The following COL6A1 variants were observed in gnomAD, a reference collection of about 807,000 sequenced individuals.
The protein encoded by COL6A1 is collagen type VI alpha 1 chain.
A neutral mutation model predicts 145.6 loss-of-function variants in COL6A1; 80 were observed. That is an observed-to-expected ratio of 0.55 (90% CI 0.46 to 0.66). The LOEUF is 0.66. COL6A1 is among the 30% of genes least tolerant of loss of function. The pLI, the probability that COL6A1 is intolerant of heterozygous loss-of-function variation, is 0.00. For missense variants in COL6A1, 1,364 were observed against 1,473.8 expected, an observed-to-expected ratio of 0.93 and a Z score of 1.22; for synonymous variants, 638 against 622.8, an observed-to-expected ratio of 1.02 and a Z score of -0.36.
intron 3 of COL6A1, among the ~76,000 whole-genome samples, chr21:45,985,566 G>A (rs2123464629): frequency 6.6e-6 from 1 of 152,342 alleles, no homozygotes; most frequent in South Asian, 2.1e-4. Context: ...TGGACTGAGG[G>A]GTTTCCTCTC....
In COL6A1 at chr21:45,997,713, C is replaced by T. The variant is rs117340427; in HGVS notation, c.1475C>T (p.Ala492Val). ...CTTCCTCCTCAGGGTGCCAGAGGAG[C>T]CCCAGGACCTGCCGGACCCCCTGGA... The part of the protein sequence containing the change: ...GPPGSEGARG[A>V]PGPAGPPGDP... Residue 492 changes from alanine (A) to valine (V), a missense_variant, in exon 22 of 35, where the codon GCC becomes GTC. By Grantham distance (64) the Ala-to-Val change is moderately conservative. Transcript: ENST00000361866. The T allele has an allele frequency of 3.5e-4, 563 of 1,592,966 alleles. 3 individuals carry two copies. In the East Asian group the frequency reaches 0.012, roughly 35 times the overall value.
chr21:45,984,658 A>T (rs1252497687), intron 3 of COL6A1, among the ~76,000 whole-genome samples, 189 bp downstream of exon 3: 6 of 152,192 alleles, frequency 3.9e-5, no homozygotes, highest in African/African-American at 9.6e-5. Flanking sequence ...AGAGAAACAG[A>T]AACAGGGAGA....
At position 45,982,645 on chromosome 21, in the gene COL6A1, G is replaced by A; in HGVS notation, c.109G>A (p.Asp37Asn). The A allele has an allele frequency of 1.2e-6, 2 of 1,612,844 alleles. No homozygotes were observed. The highest frequency in any genetic ancestry group is 2.2e-5 in the East Asian group (1 of 44,868). Reference sequence around the variant, plus strand: ...CCATCTTCGGCCAGACTGCCCCGTGGACCTGTTCTTTGTGCTGGACACCTC... The same window carrying A: ...CCATCTTCGGCCAGACTGCCCCGTGAACCTGTTCTTTGTGCTGGACACCTC... ...RAVAFQDCPV[D>N]LFFVLDTSES... The change falls in exon 2 of 35, where the codon GAC becomes AAC. Residue 37 changes from aspartate to asparagine, a missense_variant. This residue lies in a region of COL6A1 where 414 missense variants were observed against 437.6 expected (regional missense o/e 0.95). Transcript: ENST00000361866.
chr21:45,983,100 C>T (rs974380273), intron 2 of COL6A1, among the ~76,000 whole-genome samples: 1 of 152,238 alleles, frequency 6.6e-6, no homozygotes, highest in Non-Finnish European at 1.5e-5. Context: ...GAGGGCTCAG[C>T]GCACTGGCCC....
In COL6A1 at chr21:45,992,568, G is replaced by A. The variant is rs536835544; in HGVS notation, c.1272+170G>A. Reference sequence around the variant, plus strand: ...ATGCCTCTTCCCACAGTCTCAGAGCGGGTGGGACCTGGGGAACCAGGAGAT... The same window carrying A: ...ATGCCTCTTCCCACAGTCTCAGAGCAGGTGGGACCTGGGGAACCAGGAGAT... On this transcript the variant is annotated intron_variant, in intron 18 of 34. Coordinates refer to ENST00000361866, the MANE Select transcript of COL6A1 (RefSeq NM_001848.3). 9.2e-5 allele frequency among the ~76,000 whole-genome samples: 14 copies of A among 152,320 alleles called. No homozygotes were observed. The highest frequency in any genetic ancestry group is 2.1e-4 in the South Asian group (1 of 4,828).
Position 45,994,054 on chromosome 21 carries a change from G to A in COL6A1, c.1336-113G>A, listed in dbSNP as rs2077791348. 1 of 1,105,306 alleles carries A rather than the reference G, an allele frequency of 9.0e-7. No individual in the cohort carries two copies. Among genetic ancestry groups the A allele is most frequent in the African/African-American group, 1.6e-5 (1 of 64,376 alleles). 68.5% of individuals were successfully genotyped at this position (1,105,306 alleles called of 1,614,324 possible). A position where few individuals can be genotyped will look rare whatever the true frequency, so the allele number is the denominator to read the frequency against. ...GGAAGGGGCTGTGCGGGGAGGGAAG[G>A]CCGGAACAGCCCAGTGACCACCTGG... On this transcript the variant is annotated intron_variant, in intron 19 of 34. Transcript: ENST00000361866. This position sits in a 1 kb window ranked among gnomAD's most constrained non-coding sequence, Gnocchi z 6.8.
Position 46,002,728 on chromosome 21 carries a change from C to G in COL6A1, c.2434+18C>G, listed in dbSNP as rs376294266. On this transcript the variant is annotated intron_variant, in intron 33 of 34. Coordinates refer to ENST00000361866, the MANE Select transcript of COL6A1 (RefSeq NM_001848.3). ...CTGCATAGGTGCGCATGGGGCCACCCGGGCAGTCCCAGATCTGCGTAGGTG... is the reference window on the plus strand; with the variant it reads ...CTGCATAGGTGCGCATGGGGCCACCGGGGCAGTCCCAGATCTGCGTAGGTG... 3 of 1,561,540 alleles carry G rather than the reference C, an allele frequency of 1.9e-6. No homozygotes were observed.
chr21:45,999,957 T>TG (rs1569518911), intron 27 of COL6A1, among the ~76,000 whole-genome samples: 3 of 1,236 alleles, frequency 2.4e-3, no homozygotes, highest in African/African-American at 9.7e-3. Flanking sequence ...GTGAGGATCA[T>TG]GGGAGGACGT....
chr21:45,996,524 C>T (rs937492659), intron 20 of COL6A1, among the ~76,000 whole-genome samples: 4 of 152,254 alleles, frequency 2.6e-5, no homozygotes, highest in African/African-American at 9.6e-5. Context: ...ATTTGAACCA[C>T]CGGACAGGCC....
At chr21:45,986,000 C>T (rs904826539) in intron 3 of COL6A1, among the ~76,000 whole-genome samples, 2 of 152,224 alleles carry the variant, frequency 1.3e-5, no homozygotes, top group Non-Finnish European at 2.9e-5. Flanking sequence ...TGCTCAGCGT[C>T]CCCAGCAGGC....
At chr21:45,983,975 C>A (rs2077723122) in intron 2 of COL6A1, among the ~76,000 whole-genome samples, 1 of 152,210 alleles carries the variant, frequency 6.6e-6, no homozygotes, top group Non-Finnish European at 1.5e-5. Flanking sequence ...GCCTCCTTCC[C>A]CCACTGTCAT....
intron 20 of COL6A1, among the ~76,000 whole-genome samples, chr21:45,996,657 C>T (rs1281589946): frequency 1.3e-5 from 2 of 151,506 alleles, no homozygotes; most frequent in East Asian, 1.9e-4. Flanking sequence ...CCAGGTGGGC[C>T]GGGCGATGTG....
chr21:46,003,784 C>T lies in COL6A1; in HGVS notation c.2858C>T (p.Ala953Val). The change falls in exon 35 of 35, where the codon GCT becomes GTT. Residue 953 changes from alanine (A) to valine (V), a missense_variant. This residue lies in a region of COL6A1 where 938 missense variants were observed against 1,003.8 expected (regional missense o/e 0.93). Transcript: ENST00000361866. ...GGCAACTCGCAGGGCGCCACGCCCG[C>T]TGCCATCGAGAAGGCCGTGCAGGAA... ...SDGNSQGATP[A>V]AIEKAVQEAQ... 6.2e-7 allele frequency: 1 copy of T among 1,611,736 alleles called. No individual in the cohort carries two copies. The highest frequency in any genetic ancestry group is 1.1e-5 in the South Asian group (1 of 91,070).
At position 46,002,795 on chromosome 21, in the gene COL6A1, A is replaced by G. The variant is rs113707678; in HGVS notation, c.2434+85A>G. ...GGCAGTCCCAGATCTGCGTAGGTGC[A>G]CGCGGGGCCGCCCGGGCAGTCCCAG... On this transcript the variant is annotated intron_variant, in intron 33 of 34. Transcript: ENST00000361866. 3,457 of 1,351,764 alleles carry G rather than the reference A, an allele frequency of 2.6e-3. 48 individuals are homozygous for G. In the African/African-American group the frequency reaches 0.034, roughly 13 times the overall value. The allele number at this position is 1,351,764 out of a possible 1,614,324, so 83.7% of individuals were successfully genotyped here. A position where few individuals can be genotyped will look rare whatever the true frequency, so the allele number is the denominator to read the frequency against.
chr21:45,982,559 C>T (rs1213899886), intron 1 of COL6A1, 75 bp from the exon 2 acceptor site: 4 of 1,605,238 alleles, frequency 2.5e-6, no homozygotes, highest in Admixed American at 3.3e-5. Context: ...CTGGGCTGGC[C>T]GGGAGGGCAG....
intron 13 of COL6A1, 104 bp downstream of exon 13, chr21:45,990,526 G>A: frequency 7.3e-7 from 1 of 1,369,544 alleles, no homozygotes; most frequent in Non-Finnish European, 1.0e-6. Flanking sequence ...GAGGGATGGG[G>A]TGGACAGTGT....
Position 45,996,863 on chromosome 21 carries a change from G to C in COL6A1, c.1399-558G>C, listed in dbSNP as rs549161590. Among the ~76,000 whole-genome samples the C allele has an allele frequency of 1.8e-4, 28 of 152,330 alleles. No individual in the cohort carries two copies. The East Asian group carries it at 5.4e-3, about 29-fold the overall frequency. On this transcript the variant is annotated intron_variant, in intron 20 of 34. Coordinates refer to ENST00000361866, the MANE Select transcript of COL6A1 (RefSeq NM_001848.3). ...GTGGGGGACCCAAGGAAGTCCAGCA[G>C]GCAGCCTCAGGTGCAGGTGGGGGCA...
Position 46,003,878 on chromosome 21 carries a change from C to T in COL6A1, c.2952C>T (p.Arg984=), listed in dbSNP as rs770653887. The T allele has an allele frequency of 8.1e-6, 13 of 1,601,116 alleles. No homozygotes were observed. The highest frequency in any genetic ancestry group is 2.7e-5 in the African/African-American group (2 of 74,714). Residue 984 remains arginine, a synonymous_variant, in exon 35 of 35, where the codon CGC becomes CGT. Transcript: ENST00000361866. The part of the protein sequence containing the change: ...VGRQVNEPHI[R]VLVTGKTAEY... ...GCCAGGTGAATGAGCCCCACATCCG[C>T]GTCCTGGTCACCGGCAAGACGGCCG...
rs1249161771 is a variant in COL6A1 at position 46,003,997 on chromosome 21, A to T, written c.3071A>T (p.Lys1024Met). ...RGVFHQTVSRKVALG is the reference protein window; with the variant it reads ...RGVFHQTVSRMVALG The stretch of plus-strand genomic sequence containing the variant: ...GTCTTCCACCAGACAGTCTCCAGGA[A>T]GGTGGCGCTGGGCTAGCCCACCCTG... Residue 1024 changes from lysine to methionine, a missense_variant, in exon 35 of 35, where the codon AAG (lysine) becomes ATG (methionine). Lys to Met is a moderately conservative substitution (Grantham distance 95). This residue lies in a region of COL6A1 where 938 missense variants were observed against 1,003.8 expected (regional missense o/e 0.93). Transcript: ENST00000361866. 1 of 1,613,140 alleles carries T rather than the reference A, an allele frequency of 6.2e-7. No individual in the cohort carries two copies. Among genetic ancestry groups the T allele is most frequent in the South Asian group, 1.1e-5 (1 of 91,084 alleles).
Sources: gnomAD v4.1 joint callset for allele counts (sites outside exome capture counted in the v4.1 genomes callset) on GRCh38, gnomAD v4.1.1 for gene constraint, gnomAD v4.1.1 regional missense constraint, Gnocchi (gnomAD v3.1) non-coding constraint, MANE v1.5 for transcripts, NCBI Gene and HGNC (gene_info 2026-07-23, HGNC 2026-07-21) for gene names.